The following TENM4 variants were observed in gnomAD, a reference collection of about 807,000 sequenced individuals.
TENM4 encodes the protein teneurin-4.
In TENM4, 82 loss-of-function variants were observed where a neutral mutation model predicts 243.3. The ratio of observed to expected loss-of-function variants is 0.34; its 90% CI spans 0.28 to 0.40. TENM4 has a LOEUF of 0.40. TENM4 is among the 10% of genes least tolerant of loss of function. The pLI is 1.00. For synonymous variants in TENM4, 1,412 were observed against 1,456.3 expected (o/e 0.97, Z 0.69); for missense variants, 3,138 against 3,673.3 (o/e 0.85, Z 3.77).
At chr11:78,973,673 A>G (rs1857591663) in intron 6 of TENM4, among the ~76,000 whole-genome samples, 1 of 152,100 alleles carries the variant, frequency 6.6e-6, no homozygotes, top group African/African-American at 2.4e-5. Flanking sequence ...AGAAAACATC[A>G]ATGAACAAGT....
chr11:78,909,492 T>C (rs552901947), intron 6 of TENM4, among the ~76,000 whole-genome samples: 1 of 152,220 alleles, frequency 6.6e-6, no homozygotes, highest in Admixed American at 6.5e-5. Context: ...TAGACCCTAC[T>C]GTTAAACATT....
At chr11:78,990,890 T>C (rs1022499783) in intron 6 of TENM4, among the ~76,000 whole-genome samples, 1 of 152,218 alleles carries the variant, frequency 6.6e-6, no homozygotes, top group Admixed American at 6.5e-5. Context: ...TCAACTACCA[T>C]GTGTTAACTT....
intron 7 of TENM4, among the ~76,000 whole-genome samples, chr11:78,892,460 G>T (rs1303741001): frequency 6.6e-6 from 1 of 152,154 alleles, no homozygotes; most frequent in African/African-American, 2.4e-5. Context: ...CCAAATTCAA[G>T]ACCCTTTTAT....
At chr11:78,820,539 A>G (rs1857703527) in intron 12 of TENM4, among the ~76,000 whole-genome samples, 1 of 152,232 alleles carries the variant, frequency 6.6e-6, no homozygotes, top group African/African-American at 2.4e-5. Context: ...GATGCTGTGC[A>G]TGTAAAGAGG....
intron 1 of TENM4, among the ~76,000 whole-genome samples, chr11:79,355,885 G>A (rs1329312683): frequency 6.6e-6 from 1 of 152,166 alleles, no homozygotes; most frequent in African/African-American, 2.4e-5. Flanking sequence ...ACAAATTTAT[G>A]CAATACAGTA....
rs886497655 is a variant in TENM4, at chr11:79,397,317, G to A, written c.-321+43192C>T. Among the ~76,000 whole-genome samples, 12 of 152,202 alleles carry A rather than the reference G, an allele frequency of 7.9e-5. 1 individual carries two copies. Among genetic ancestry groups the A allele is most frequent in the Admixed American group, 3.9e-4 (6 of 15,296 alleles). Reference sequence around the variant, plus strand: ...TTACTGTTATTAACATCCCCATTTTGTAAGTAAAGAAACTGAAGCCCAGGG... The same window carrying A: ...TTACTGTTATTAACATCCCCATTTTATAAGTAAAGAAACTGAAGCCCAGGG... On this transcript the variant is annotated intron_variant, in intron 1 of 33. Coordinates refer to ENST00000278550, the MANE Select transcript of TENM4 (RefSeq NM_001098816.3).
At chr11:78,695,676 C>CT (rs60299781) in intron 28 of TENM4, among the ~76,000 whole-genome samples, 20,211 of 146,590 alleles carry the variant, frequency 0.14, 3,840 homozygotes, top group African/African-American at 0.43. Flanking sequence ...GACAGTTTTT[C>CT]TTTTTTTTTT....
At chr11:79,369,000 G>A (rs183446056) in intron 1 of TENM4, among the ~76,000 whole-genome samples, 1 of 152,102 alleles carries the variant, frequency 6.6e-6, no homozygotes, top group African/African-American at 2.4e-5. Context: ...GGGGGCTTTG[G>A]TGGTTGCAAT....
At chr11:79,210,731 A>G (rs1189939076) in intron 3 of TENM4, among the ~76,000 whole-genome samples, 1 of 152,196 alleles carries the variant, frequency 6.6e-6, no homozygotes, top group Non-Finnish European at 1.5e-5. Context: ...TGCCTGGCAC[A>G]TAGTGAGTGC....
chr11:78,745,380 C>A (rs538283918), intron 19 of TENM4, among the ~76,000 whole-genome samples: 1 of 152,150 alleles, frequency 6.6e-6, no homozygotes, highest in African/African-American at 2.4e-5. Context: ...GTGTGCACCA[C>A]CATGGCCCAG....
intron 6 of TENM4, among the ~76,000 whole-genome samples, chr11:79,008,783 A>G (rs1017114603): frequency 1.3e-5 from 2 of 152,238 alleles, no homozygotes; most frequent in East Asian, 1.9e-4. Context: ...TAGAAACACA[A>G]TAATGGGGCC....
intron 4 of TENM4, among the ~76,000 whole-genome samples, chr11:79,119,999 A>G (rs1422522578): frequency 6.6e-6 from 1 of 152,168 alleles, no homozygotes; most frequent in Non-Finnish European, 1.5e-5. Context: ...CCTGAATCCA[A>G]CTGTCTGGGT....
At chr11:78,815,290 G>A (rs1452634634) in intron 12 of TENM4, among the ~76,000 whole-genome samples, 1 of 152,118 alleles carries the variant, frequency 6.6e-6, no homozygotes, top group Non-Finnish European at 1.5e-5. Context: ...GGAGGATGAG[G>A]TGGGAGACTC....
At chr11:79,326,337 C>T (rs1856975485) in intron 1 of TENM4, among the ~76,000 whole-genome samples, 1 of 152,182 alleles carries the variant, frequency 6.6e-6, no homozygotes, top group Non-Finnish European at 1.5e-5. Flanking sequence ...AATGACCTTT[C>T]CTACATTGAA....
intron 2 of TENM4, among the ~76,000 whole-genome samples, chr11:79,276,969 C>T (rs1025626774): frequency 2.6e-5 from 4 of 152,048 alleles, no homozygotes; most frequent in Non-Finnish European, 4.4e-5. Context: ...TATAGGTACA[C>T]CCCCACCCCC....
At chr11:78,704,157 G>GCCTATATA (rs1555067640) in intron 27 of TENM4, among the ~76,000 whole-genome samples, 1 of 70,536 alleles carries the variant, frequency 1.4e-5, no homozygotes, top group African/African-American at 6.0e-5. Flanking sequence ...ATGTATGTGT[G>GCCTATATA]TCTATATATA....
intron 3 of TENM4, among the ~76,000 whole-genome samples, chr11:79,195,516 G>A (rs1335660630): frequency 2.0e-5 from 3 of 152,218 alleles, no homozygotes; most frequent in Non-Finnish European, 4.4e-5. Flanking sequence ...TGACCTAGAT[G>A]TGAGATCTGG....
At position 79,194,309 on chromosome 11, in the gene TENM4, T is replaced by A. The variant is rs1371314839; in HGVS notation, c.-163+21499A>T. On this transcript the variant is annotated intron_variant, in intron 3 of 33. Transcript: ENST00000278550. Reference sequence around the variant, plus strand: ...ATATAGTAAATTAGTACAAGCAGAATAGGGCATTGCTGAAAAGATACCTGA... The same window carrying A: ...ATATAGTAAATTAGTACAAGCAGAAAAGGGCATTGCTGAAAAGATACCTGA... Among the ~76,000 whole-genome samples, 4 of 151,762 alleles carry A rather than the reference T, an allele frequency of 2.6e-5. No homozygotes were observed. The South Asian group carries it at 8.3e-4, about 32-fold the overall frequency.
At position 78,856,216 on chromosome 11, in the gene TENM4, G is replaced by A. The variant is rs748565212; in HGVS notation, c.1256-38C>T. The A allele has an allele frequency of 7.3e-5, 112 of 1,535,072 alleles. No individual in the cohort carries two copies. The Admixed American group carries it at 1.4e-3, about 20-fold the overall frequency. ...AGGGAAGGGAAGACAAAGACATCTC[G>A]GTTAGCCACATGGGAAACGAGAAAC... On this transcript the variant is annotated intron_variant, in intron 10 of 33. Coordinates refer to ENST00000278550, the MANE Select transcript of TENM4 (RefSeq NM_001098816.3).
Sources: gnomAD v4.1 joint callset for allele counts (sites outside exome capture counted in the v4.1 genomes callset) on GRCh38, gnomAD v4.1.1 for gene constraint, MANE v1.5 for transcripts, NCBI Gene and HGNC (gene_info 2026-07-23, HGNC 2026-07-21) for gene names.